Variants in PACRG observed in about 807,000 individuals in gnomAD.
The protein encoded by PACRG is parkin coregulated.
PACRG carries 29 observed loss-of-function variants against 29.7 expected under a neutral mutation model. The observed-to-expected ratio is 0.98, with a 90% CI of 0.73 to 1.33. The LOEUF is 1.33. PACRG is among the 40% of genes most tolerant of loss of function. The probability of loss-of-function intolerance (pLI) is 0.00; values close to 1 mark genes in which losing one functional copy is unlikely to be tolerated. For synonymous variants in PACRG, 116 were observed against 118.7 expected (o/e 0.98, Z 0.15); for missense variants, 279 against 316.2 (o/e 0.88, Z 0.89).
intron 4 of PACRG, among the ~76,000 whole-genome samples, chr6:163,255,279 A>G (rs1261484493): frequency 6.6e-6 from 1 of 152,202 alleles, no homozygotes; most frequent in Non-Finnish European, 1.5e-5. Flanking sequence ...CAAGCCCAGG[A>G]CCAGCCTGAG....
chr6:163,041,700 G>A (rs1434530200), intron 2 of PACRG, among the ~76,000 whole-genome samples: 1 of 152,140 alleles, frequency 6.6e-6, no homozygotes, highest in African/African-American at 2.4e-5. Context: ...GCAATGAAAT[G>A]GGTATTCAGC....
rs1422564702 is a variant in PACRG at position 162,958,874 on chromosome 6, TATATATATATAGAGAGAGAGAG to T, written c.292-103274_292-103253del. ...GCATATATATATATATATATATATA[TATATATATATAGAGAGAGAGAG>T]AGAGAGAGAGAGAGAGAGAGAGAGA... is the stretch of plus-strand genomic sequence containing the variant. On this transcript the variant is annotated intron_variant, in intron 2 of 4. Coordinates refer to ENST00000366888, the MANE Select transcript of PACRG (RefSeq NM_001080379.2). Among the ~76,000 whole-genome samples, 198 of 44,746 alleles carry T rather than the reference TATATATATATAGAGAGAGAGAG, an allele frequency of 4.4e-3. 1 individual carries two copies. The highest frequency in any genetic ancestry group is 1.0e-2 in the African/African-American group (120 of 12,050). 29.4% of individuals were successfully genotyped at this position (44,746 alleles called of 152,430 possible). A position where few individuals can be genotyped will look rare whatever the true frequency, so the allele number is the denominator to read the frequency against.
intron 4 of PACRG, among the ~76,000 whole-genome samples, chr6:163,309,731 C>T (rs1227307064): frequency 6.6e-6 from 1 of 152,304 alleles, no homozygotes; most frequent in Admixed American, 6.5e-5. Context: ...GCATCTCAGG[C>T]AGGAGAGCGT....
chr6:163,296,298 AT>A (rs1011765712), intron 4 of PACRG, among the ~76,000 whole-genome samples: 2 of 149,282 alleles, frequency 1.3e-5, no homozygotes, highest in African/African-American at 2.4e-5. Flanking sequence ...ACCTTCAGGC[AT>A]TTTTTTTTTG....
chr6:162,981,975 G>T (rs1802475824), intron 2 of PACRG, among the ~76,000 whole-genome samples: 1 of 137,788 alleles, frequency 7.3e-6, no homozygotes, highest in African/African-American at 2.6e-5. Flanking sequence ...ATTGTTACTT[G>T]TTATTGGTCT....
chr6:162,865,309 G>A (rs2128446475), intron 2 of PACRG, among the ~76,000 whole-genome samples: 1 of 152,284 alleles, frequency 6.6e-6, no homozygotes, highest in Non-Finnish European at 1.5e-5. Context: ...TAATGTATAT[G>A]AGTATGTTGA....
Position 162,853,977 on chromosome 6 carries a change from CATT to C in PACRG, c.291+39699_291+39701del, listed in dbSNP as rs1376882566. The stretch of plus-strand genomic sequence containing the variant: ...CTATTATTATTAATATCATTAGTAT[CATT>C]ATACATTTAAAATCTCTAACATATT... On this transcript the variant is annotated intron_variant, in intron 2 of 4. Transcript: ENST00000366888. This position sits in a 1 kb window ranked among gnomAD's most constrained non-coding sequence, Gnocchi z 4.7. Among the ~76,000 whole-genome samples the C allele has an allele frequency of 6.6e-6, 1 of 151,876 alleles. No individual in the cohort carries two copies. Among genetic ancestry groups the C allele is most frequent in the African/African-American group, 2.4e-5 (1 of 41,376 alleles).
intron 2 of PACRG, among the ~76,000 whole-genome samples, chr6:162,832,916 C>A (rs1788911065): frequency 6.6e-6 from 1 of 150,978 alleles, no homozygotes; most frequent in African/African-American, 2.4e-5. Context: ...CAATGATTTG[C>A]AATTTGAATA....
At position 163,270,826 on chromosome 6, in the gene PACRG, C is replaced by T. The variant is rs114952758; in HGVS notation, c.614-44001C>T. Among the ~76,000 whole-genome samples, 805 of 152,220 alleles carry T rather than the reference C, an allele frequency of 5.3e-3. 8 individuals carry two copies. The highest frequency in any genetic ancestry group is 0.019 in the African/African-American group (772 of 41,522). On this transcript the variant is annotated intron_variant, in intron 4 of 4. Coordinates refer to ENST00000366888, the MANE Select transcript of PACRG (RefSeq NM_001080379.2). Reference sequence around the variant, plus strand: ...TAAAACACCAATGATATGAGAGTGACGATTTCCCTACATCTTCTCCAATAG... The same window carrying T: ...TAAAACACCAATGATATGAGAGTGATGATTTCCCTACATCTTCTCCAATAG...
intron 4 of PACRG, among the ~76,000 whole-genome samples, chr6:163,274,208 G>C (rs928826768): frequency 6.6e-6 from 1 of 152,126 alleles, no homozygotes; most frequent in Admixed American, 6.5e-5. Flanking sequence ...AGGCCCTGGT[G>C]TGTGATGTTC....
chr6:162,893,296 A>C (rs1228518958), intron 2 of PACRG, among the ~76,000 whole-genome samples: 1 of 152,054 alleles, frequency 6.6e-6, no homozygotes, highest in East Asian at 1.9e-4. Context: ...TGGAAACAGC[A>C]GGGGAGGGCC....
chr6:163,279,493 G>A (rs1310855528), intron 4 of PACRG, among the ~76,000 whole-genome samples: 1 of 152,104 alleles, frequency 6.6e-6, no homozygotes, highest in African/African-American at 2.4e-5. Context: ...CTTTGCTCCT[G>A]TCATTTTGAT....
intron 2 of PACRG, among the ~76,000 whole-genome samples, chr6:162,826,370 C>CATGTGT (rs949363569): frequency 3.9e-5 from 6 of 152,028 alleles, no homozygotes; most frequent in Non-Finnish European, 5.9e-5. Context: ...ATAGTACGTG[C>CATGTGT]ATGTGTATGT....
At chr6:162,919,995 C>T (rs1329080728) in intron 2 of PACRG, among the ~76,000 whole-genome samples, 1 of 152,064 alleles carries the variant, frequency 6.6e-6, no homozygotes, top group Non-Finnish European at 1.5e-5. Flanking sequence ...CCACTGACCC[C>T]CATGTAGTCT....
At chr6:162,971,200 A>G (rs993999062) in intron 2 of PACRG, among the ~76,000 whole-genome samples, 4 of 152,246 alleles carry the variant, frequency 2.6e-5, no homozygotes, top group African/African-American at 9.6e-5. Context: ...AAAGAATCAG[A>G]CAACGAGTCA....
chr6:163,224,156 G>A (rs1427453777), intron 4 of PACRG, among the ~76,000 whole-genome samples: 2 of 151,790 alleles, frequency 1.3e-5, no homozygotes, highest in Non-Finnish European at 2.9e-5. Flanking sequence ...ATCACCTGAG[G>A]TCAGGAGTTC....
At chr6:162,929,691 C>T (rs112612632) in intron 2 of PACRG, among the ~76,000 whole-genome samples, 3 of 151,814 alleles carry the variant, frequency 2.0e-5, no homozygotes, top group Non-Finnish European at 2.9e-5. Context: ...ATGATCTCTC[C>T]GGGTAGTTTC....
At chr6:163,236,706 G>C (rs1782254058) in intron 4 of PACRG, among the ~76,000 whole-genome samples, 1 of 152,142 alleles carries the variant, frequency 6.6e-6, no homozygotes, top group Non-Finnish European at 1.5e-5. Context: ...CGTTTTAGTG[G>C]GGCATTGAAT....
intron 2 of PACRG, among the ~76,000 whole-genome samples, chr6:162,895,125 C>T (rs1584688502): frequency 6.7e-6 from 1 of 149,678 alleles, no homozygotes; most frequent in African/African-American, 2.5e-5. Context: ...AAAAATTTAG[C>T]CATGTGTGGT....
Sources: allele counts gnomAD v4.1 joint callset (sites outside exome capture counted in the v4.1 genomes callset), GRCh38; gene constraint gnomAD v4.1.1; non-coding constraint Gnocchi (gnomAD v3.1); transcripts MANE v1.5; gene names NCBI Gene and HGNC (gene_info 2026-07-23, HGNC 2026-07-21).